Variants in ATXN1 observed in about 807,000 individuals in gnomAD.
The protein encoded by ATXN1 is ataxin 1, also known as ataxin-1.
ATXN1 carries 8 observed loss-of-function variants against 56.4 expected under a neutral mutation model. The observed-to-expected ratio is 0.14, with a 90% CI of 0.08 to 0.26. The LOEUF (loss-of-function observed/expected upper bound fraction) is 0.26. Among genes scored for constraint, ATXN1 ranks in the 10% least tolerant of loss-of-function variants. The pLI is 1.00. For missense variants in ATXN1, 987 were observed against 1,106.5 expected, an observed-to-expected ratio of 0.89 and a Z score of 1.53; for synonymous variants, 514 against 494.6, an observed-to-expected ratio of 1.04 and a Z score of -0.52.
At position 16,305,791 on chromosome 6, in the gene ATXN1, A is replaced by G. The variant is rs1760229884; in HGVS notation, c.*538T>C. The G allele has an allele frequency of 6.6e-6, 1 of 152,582 alleles. No individual in the cohort carries two copies. Among genetic ancestry groups the G allele is most frequent in the South Asian group, 2.1e-4 (1 of 4,840 alleles). The allele number at this position is 152,582 out of a possible 1,614,324, so 9.5% of individuals were successfully genotyped here. A position where few individuals can be genotyped will look rare whatever the true frequency, so the allele number is the denominator to read the frequency against. On this transcript the variant is annotated 3_prime_UTR_variant, in exon 8 of 8. Coordinates refer to ENST00000436367, the MANE Select transcript of ATXN1 (RefSeq NM_001128164.2). ...CTGACGCGTCTCCGCGATGCCCTGA[A>G]GCTGGGTTCCTGATGTTGATTTTGC... is the stretch of plus-strand genomic sequence containing the variant.
At chr6:16,387,419 C>G (rs1758264207) in intron 6 of ATXN1, among the ~76,000 whole-genome samples, 1 of 152,252 alleles carries the variant, frequency 6.6e-6, no homozygotes, top group Non-Finnish European at 1.5e-5. Flanking sequence ...ACCTCTCCAT[C>G]AGCCACTGAG....
intron 6 of ATXN1, among the ~76,000 whole-genome samples, chr6:16,358,584 T>C (rs1270444857): frequency 1.3e-5 from 2 of 152,260 alleles, no homozygotes; most frequent in Non-Finnish European, 2.9e-5. Context: ...TGGCAGTGGC[T>C]GCTGCCATCA....
chr6:16,426,627 G>C (rs1308645262), intron 6 of ATXN1, among the ~76,000 whole-genome samples: 4 of 151,846 alleles, frequency 2.6e-5, no homozygotes, highest in Non-Finnish European at 5.9e-5. Flanking sequence ...GTGTGAGAGA[G>C]AGAGAGAGAG....
chr6:16,693,628 T>TA (rs747665469), intron 2 of ATXN1, among the ~76,000 whole-genome samples: 5 of 152,092 alleles, frequency 3.3e-5, no homozygotes, highest in Non-Finnish European at 5.9e-5. Context: ...AGAACTCTAT[T>TA]AACTACCTCC....
intron 3 of ATXN1, among the ~76,000 whole-genome samples, chr6:16,651,015 T>C (rs565214016): frequency 2.2e-4 from 33 of 152,254 alleles, no homozygotes; most frequent in Non-Finnish European, 4.7e-4. Context: ...TTATGAGTAC[T>C]TTTCCATATT....
At chr6:16,316,391 C>T (rs1280395011) in intron 7 of ATXN1, among the ~76,000 whole-genome samples, 1 of 152,166 alleles carries the variant, frequency 6.6e-6, no homozygotes, top group Admixed American at 6.5e-5. Context: ...TTTCCCCAAA[C>T]TCAGTGTTCT....
chr6:16,754,247 A>G (rs907125295), intron 1 of ATXN1, among the ~76,000 whole-genome samples: 1 of 152,242 alleles, frequency 6.6e-6, no homozygotes, highest in African/African-American at 2.4e-5. Flanking sequence ...GGGTTACTAT[A>G]AAATCATCCC....
At chr6:16,717,972 A>G (rs1170502825) in intron 2 of ATXN1, among the ~76,000 whole-genome samples, 1 of 152,240 alleles carries the variant, frequency 6.6e-6, no homozygotes, top group Non-Finnish European at 1.5e-5. Flanking sequence ...TTCCCTATAC[A>G]TGTATAGAAT....
chr6:16,452,582 G>T (rs941611999), intron 6 of ATXN1, among the ~76,000 whole-genome samples: 1 of 152,084 alleles, frequency 6.6e-6, no homozygotes, highest in Admixed American at 6.5e-5. Flanking sequence ...CCAATGAAAG[G>T]GTAAAAAAAG....
At chr6:16,581,466 C>T (rs1192560750) in intron 4 of ATXN1, among the ~76,000 whole-genome samples, 2 of 151,910 alleles carry the variant, frequency 1.3e-5, no homozygotes, top group African/African-American at 4.8e-5. Flanking sequence ...CAGGTCAAGG[C>T]CTAAGGAGAT....
chr6:16,497,333 T>C (rs1760799125), intron 5 of ATXN1, among the ~76,000 whole-genome samples: 1 of 151,562 alleles, frequency 6.6e-6, no homozygotes, highest in South Asian at 2.1e-4. Flanking sequence ...AAAAAAAAGA[T>C]TCCCATTCCT....
At chr6:16,488,030 G>C (rs1262170045) in intron 5 of ATXN1, among the ~76,000 whole-genome samples, 4 of 152,110 alleles carry the variant, frequency 2.6e-5, no homozygotes, top group Non-Finnish European at 5.9e-5. Context: ...TGACACAACT[G>C]TTCTCCATAC....
chr6:16,306,421 C>T lies in ATXN1; in HGVS notation c.2356G>A (p.Glu786Lys). 1 of 1,614,224 alleles carries T rather than the reference C, an allele frequency of 6.2e-7. No homozygotes were observed. Among genetic ancestry groups the T allele is most frequent in the Non-Finnish European group, 8.5e-7 (1 of 1,180,038 alleles). ...APESRKLEKS[E>K]DEPPLTLPKP... ...GGAAGAGTCAAAGGTGGTTCGTCTT[C>T]TGACTTCTCCAGTTTGCGGCTCTCT... The change falls in exon 8 of 8, where the codon GAA becomes AAA. Residue 786 changes from glutamate to lysine, a missense_variant. Around this residue, in one of 3 missense-constraint regions of ATXN1, gnomAD observed 196 missense variants for 196.7 expected, o/e 1.00. Coordinates refer to ENST00000436367, the MANE Select transcript of ATXN1 (RefSeq NM_001128164.2). This position sits in a 1 kb window ranked among gnomAD's most constrained non-coding sequence, Gnocchi z 5.2.
At chr6:16,594,848 T>C (rs1171809907) in intron 3 of ATXN1, among the ~76,000 whole-genome samples, 1 of 152,124 alleles carries the variant, frequency 6.6e-6, no homozygotes, top group Non-Finnish European at 1.5e-5. Context: ...CATTGGTGAG[T>C]TTATACTTTG....
intron 2 of ATXN1, among the ~76,000 whole-genome samples, chr6:16,689,408 G>A (rs1160979134): frequency 1.3e-5 from 2 of 151,942 alleles, no homozygotes; most frequent in African/African-American, 4.8e-5. Context: ...CAAACTCCTG[G>A]GCCCATGGGA....
intron 7 of ATXN1, among the ~76,000 whole-genome samples, chr6:16,318,579 C>T (rs1030932889): frequency 6.6e-6 from 1 of 152,182 alleles, no homozygotes; most frequent in East Asian, 1.9e-4. Context: ...ACAGTCAAAA[C>T]GCTTTGGCTG....
At position 16,581,266 on chromosome 6, in the gene ATXN1, G is replaced by A. The variant is rs145912953; in HGVS notation, c.-361+4514C>T. ...GTGTGTGTGTGCTGGGTGGGTGTGT[G>A]GATGGGGAGTAGGGGATGATATGGG... On this transcript the variant is annotated intron_variant, in intron 4 of 7. Transcript: ENST00000436367. Among the ~76,000 whole-genome samples, 513 of 151,402 alleles carry A rather than the reference G, an allele frequency of 3.4e-3. 1 individual carries two copies. Among genetic ancestry groups the A allele is most frequent in the African/African-American group, 0.011 (471 of 41,244 alleles).
chr6:16,316,403 T>C (rs1342392938), intron 7 of ATXN1, among the ~76,000 whole-genome samples: 1 of 152,156 alleles, frequency 6.6e-6, no homozygotes, highest in Non-Finnish European at 1.5e-5. Flanking sequence ...CAGTGTTCTA[T>C]CTCCAGAGTC....
chr6:16,598,587 C>T (rs1023913067), intron 3 of ATXN1, among the ~76,000 whole-genome samples: 4 of 152,176 alleles, frequency 2.6e-5, no homozygotes, highest in African/African-American at 9.7e-5. Flanking sequence ...GCGGCCCAGA[C>T]CACACCCACA....
Sources: allele counts gnomAD v4.1 joint callset (sites outside exome capture counted in the v4.1 genomes callset), GRCh38; gene constraint gnomAD v4.1.1; regional missense constraint gnomAD v4.1.1; non-coding constraint Gnocchi (gnomAD v3.1); transcripts MANE v1.5; gene names NCBI Gene and HGNC (gene_info 2026-07-23, HGNC 2026-07-21).